FGF13: variants seen among roughly 807,000 people sequenced by gnomAD.
The protein encoded by FGF13 is fibroblast growth factor 13.
In FGF13, 2 loss-of-function variants were observed where a neutral mutation model predicts 19.5. The observed-to-expected ratio is 0.10, with a 90% CI of 0.04 to 0.32. The LOEUF is 0.32. FGF13 is among the 10% of genes least tolerant of loss of function. FGF13 has a pLI of 1.00. For synonymous variants in FGF13, 72 were observed against 76.9 expected (o/e 0.94, Z 0.33); for missense variants, 113 against 192.7 (o/e 0.59, Z 2.45).
intron 1 of FGF13, among the ~76,000 whole-genome samples, chrX:138,998,779 G>A (rs973984296): frequency 1.8e-5 from 2 of 111,379 alleles, no homozygotes; most frequent in Non-Finnish European, 3.8e-5. Flanking sequence ...AGATCAACGA[G>A]ACAGAAAATT....
chrX:139,002,583 C>G (rs1465673837), intron 1 of FGF13, among the ~76,000 whole-genome samples: 8 of 110,572 alleles, frequency 7.2e-5, no homozygotes, highest in African/African-American at 2.6e-4. Context: ...CCCCCAACCC[C>G]AAGCTGTACA....
rs376390952 is a variant in FGF13, at chrX:139,057,763, T to A, written c.-113+145653A>T. Among the ~76,000 whole-genome samples, 8 of 112,301 alleles carry A rather than the reference T, an allele frequency of 7.1e-5. No homozygotes were observed. The East Asian group carries it at 1.9e-3, about 27-fold the overall frequency. On this transcript the variant is annotated intron_variant, in intron 1 of 2. Transcript: ENST00000421460. ...TGGATGAGCCTTGAAAACGATATGC[T>A]AACTGAAAGAAGAAAGTCACAAGAG...
At chrX:138,952,761 G>C (rs1283712699) in intron 1 of FGF13, among the ~76,000 whole-genome samples, 1 of 111,286 alleles carries the variant, frequency 9.0e-6, no homozygotes, top group African/African-American at 3.3e-5. Context: ...TCAACAAGTG[G>C]GCGAAGGATA....
At chrX:138,960,395 T>C (rs1280995465) in intron 1 of FGF13, among the ~76,000 whole-genome samples, 3 of 112,251 alleles carry the variant, frequency 2.7e-5, no homozygotes, top group Admixed American at 9.4e-5. Flanking sequence ...GACCCGCTGT[T>C]AGTCTGATGG....
chrX:138,884,741 G>A (rs1328488842), intron 1 of FGF13, among the ~76,000 whole-genome samples: 3 of 111,972 alleles, frequency 2.7e-5, no homozygotes, highest in African/African-American at 9.7e-5. Context: ...ACAATTGCAA[G>A]AGGACAGGAA....
At chrX:139,186,428 C>CA (rs1264550607) in intron 1 of FGF13, among the ~76,000 whole-genome samples, 1 of 111,591 alleles carries the variant, frequency 9.0e-6, no homozygotes. Flanking sequence ...AGACATTGTC[C>CA]ATCTTCATTC....
intron 3 of FGF13, among the ~76,000 whole-genome samples, chrX:138,778,060 C>T (rs1015249806): frequency 1.4e-4 from 16 of 111,689 alleles, no homozygotes; most frequent in African/African-American, 5.2e-4. Flanking sequence ...CCAAGATGGC[C>T]GAATAGGAAC....
At chrX:138,634,137 G>A (rs1246427798) in intron 4 of FGF13, among the ~76,000 whole-genome samples, 1 of 111,956 alleles carries the variant, frequency 8.9e-6, no homozygotes. Context: ...ATAATATGTT[G>A]GGCCCTTAGA....
intron 1 of FGF13, among the ~76,000 whole-genome samples, chrX:139,130,365 A>G (rs1375862927): frequency 8.9e-6 from 1 of 112,552 alleles, no homozygotes; most frequent in East Asian, 2.8e-4. Flanking sequence ...AATTAATGCC[A>G]AAGTATTTAA....
chrX:138,875,388 G>A (rs2091382807), intron 1 of FGF13, among the ~76,000 whole-genome samples: 1 of 111,774 alleles, frequency 8.9e-6, no homozygotes, highest in Non-Finnish European at 1.9e-5. Context: ...GCCTGATGGA[G>A]GCCACTCATC....
intron 1 of FGF13, among the ~76,000 whole-genome samples, chrX:139,039,037 T>G (rs2092259991): frequency 8.9e-6 from 1 of 112,364 alleles, no homozygotes; most frequent in African/African-American, 3.2e-5. Flanking sequence ...TTGCTGAAGG[T>G]TAATCAGCTA....
chrX:139,018,748 G>A (rs2092164412), intron 1 of FGF13, among the ~76,000 whole-genome samples: 5 of 110,121 alleles, frequency 4.5e-5, no homozygotes, highest in Admixed American at 3.9e-4. Context: ...GGACTCCATC[G>A]TTGGCCATCT....
intron 3 of FGF13, among the ~76,000 whole-genome samples, chrX:138,779,959 G>T (rs1322675591): frequency 3.9e-5 from 4 of 103,722 alleles, no homozygotes; most frequent in Admixed American, 1.0e-4. Flanking sequence ...GACTAACAGC[G>T]GATCTCTCGG....
At chrX:138,916,151 A>T (rs1243375827) in intron 1 of FGF13, among the ~76,000 whole-genome samples, 1 of 111,890 alleles carries the variant, frequency 8.9e-6, no homozygotes, top group East Asian at 2.8e-4. Context: ...CATAATTCGC[A>T]GTGAGTCGAT....
At chrX:139,142,101 T>C (rs1047478826) in intron 1 of FGF13, among the ~76,000 whole-genome samples, 1 of 111,892 alleles carries the variant, frequency 8.9e-6, no homozygotes, top group African/African-American at 3.3e-5. Flanking sequence ...ATTCCTCCTG[T>C]GAGATCTAAG....
intron 3 of FGF13, among the ~76,000 whole-genome samples, chrX:138,762,310 C>T (rs905974674): frequency 9.0e-6 from 1 of 111,007 alleles, no homozygotes; most frequent in Non-Finnish European, 1.9e-5. Context: ...ATTTCATAGC[C>T]GTTAACTCCA....
chrX:138,822,874 C>A (rs965566011), intron 3 of FGF13, among the ~76,000 whole-genome samples: 12 of 111,990 alleles, frequency 1.1e-4, no homozygotes, highest in Admixed American at 7.6e-4. Flanking sequence ...TCATCCTTGT[C>A]CTCTGGGAGT....
intron 3 of FGF13, among the ~76,000 whole-genome samples, chrX:138,825,331 C>A (rs765740918): frequency 6.6e-4 from 74 of 111,861 alleles, no homozygotes; most frequent in African/African-American, 2.1e-3. Context: ...AAATTAAGGA[C>A]AAACATTAAG....
In FGF13 at chrX:138,968,118, T is replaced by C. The variant is rs182991211; in HGVS notation, c.-112-103468A>G. On this transcript the variant is annotated intron_variant, in intron 1 of 2. Transcript: ENST00000421460. ...GAACATGATTAAAATAACATAAAAA[T>C]ATACCTCTTGCAAGTTCTGACAATT... Among the ~76,000 whole-genome samples the C allele has an allele frequency of 1.0e-3, 115 of 111,736 alleles. 4 individuals carry two copies. In the East Asian group the frequency reaches 0.027, roughly 26 times the overall value.
Sources: gnomAD v4.1 joint callset for allele counts (sites outside exome capture counted in the v4.1 genomes callset) on GRCh38, gnomAD v4.1.1 for gene constraint, MANE v1.5 for transcripts, NCBI Gene and HGNC (gene_info 2026-07-23, HGNC 2026-07-21) for gene names.